Variants in LRIG1 observed in about 807,000 individuals in gnomAD.
The protein encoded by LRIG1 is leucine rich repeats and immunoglobulin like domains 1.
LRIG1 carries 48 observed loss-of-function variants against 99.2 expected under a neutral mutation model. That is an observed-to-expected ratio of 0.48 (90% CI 0.38 to 0.62). LRIG1 has a LOEUF of 0.62. Ranked by LOEUF, LRIG1 falls within the 20% of genes least tolerant of loss-of-function variation. LRIG1 has a pLI of 0.00. For synonymous variants in LRIG1, 772 were observed against 596.1 expected, an observed-to-expected ratio of 1.29 and a Z score of -4.30; for missense variants, 1,646 against 1,434.4, an observed-to-expected ratio of 1.15 and a Z score of -2.38.
At chr3:66,479,838 C>T (rs1335450826) in intron 1 of LRIG1, among the ~76,000 whole-genome samples, 1 of 152,224 alleles carries the variant, frequency 6.6e-6, no homozygotes, top group Non-Finnish European at 1.5e-5. Context: ...CCTTCATACC[C>T]TGCTGGTGGA....
At chr3:66,463,445 T>C (rs927895706) in intron 1 of LRIG1, among the ~76,000 whole-genome samples, 4 of 152,162 alleles carry the variant, frequency 2.6e-5, no homozygotes, top group Non-Finnish European at 5.9e-5. Flanking sequence ...GGTTCAGAAT[T>C]AAAACTCTCC....
chr3:66,382,895 T>C lies in LRIG1; in HGVS notation c.2491+87A>G, dbSNP rs1701164745. ...GAGTTCTGAACACAGTGCAATTCTTTCAAAAGCCACTGGAACCCGGCCCAG... is the reference window on the plus strand; with the variant it reads ...GAGTTCTGAACACAGTGCAATTCTTCCAAAAGCCACTGGAACCCGGCCCAG... On this transcript the variant is annotated intron_variant, in intron 15 of 18. Coordinates refer to ENST00000273261, the MANE Select transcript of LRIG1 (RefSeq NM_015541.3). 6.9e-6 allele frequency: 9 copies of C among 1,297,602 alleles called. No individual in the cohort carries two copies. The African/African-American group carries it at 1.0e-4, about 15-fold the overall frequency. The allele number at this position is 1,297,602 out of a possible 1,614,324, so 80.4% of individuals were successfully genotyped here.
At chr3:66,424,729 T>A (rs1350957748) in intron 3 of LRIG1, among the ~76,000 whole-genome samples, 1 of 152,242 alleles carries the variant, frequency 6.6e-6, no homozygotes, top group Non-Finnish European at 1.5e-5. Context: ...TGACTTACGA[T>A]GGTTCAGCTT....
At chr3:66,494,631 A>G (rs1352295710) in intron 1 of LRIG1, among the ~76,000 whole-genome samples, 1 of 152,260 alleles carries the variant, frequency 6.6e-6, no homozygotes, top group Non-Finnish European at 1.5e-5. Context: ...GTACTTAGGT[A>G]AAAACCATTG....
intron 3 of LRIG1, among the ~76,000 whole-genome samples, chr3:66,433,032 T>G (rs1703228557): frequency 6.6e-6 from 1 of 152,158 alleles, no homozygotes; most frequent in Admixed American, 6.5e-5. Context: ...TATTTATATT[T>G]AGGATGACTG....
Position 66,385,961 on chromosome 3 carries a change from CA to C in LRIG1, c.1789+19del, listed in dbSNP as rs756063960. ...GCTTTGTAGGATTCTGGTACTATAACAAAGATGGTGTTTCCATACCATTCAC... is the reference window on the plus strand; with the variant it reads ...GCTTTGTAGGATTCTGGTACTATAACAAGATGGTGTTTCCATACCATTCAC... On this transcript the variant is annotated intron_variant, in intron 13 of 18. Coordinates refer to ENST00000273261, the MANE Select transcript of LRIG1 (RefSeq NM_015541.3). 2.5e-6 allele frequency: 4 copies of C among 1,604,742 alleles called. No homozygotes were observed. Among genetic ancestry groups the C allele is most frequent in the Non-Finnish European group, 3.4e-6 (4 of 1,173,932 alleles).
chr3:66,481,405 T>C (rs1390802020), intron 1 of LRIG1, among the ~76,000 whole-genome samples: 1 of 152,148 alleles, frequency 6.6e-6, no homozygotes, highest in Non-Finnish European at 1.5e-5. Flanking sequence ...AAGCATTGTT[T>C]CACCTTCTAG....
intron 2 of LRIG1, among the ~76,000 whole-genome samples, chr3:66,454,119 G>A (rs1448363711): frequency 6.6e-6 from 1 of 152,148 alleles, no homozygotes; most frequent in Non-Finnish European, 1.5e-5. Context: ...TGACTTACAG[G>A]GAGGACACTC....
rs541188659 is a variant in LRIG1, at chr3:66,488,205, C to CA, written c.218+11984dup. On this transcript the variant is annotated intron_variant, in intron 1 of 18. Coordinates refer to ENST00000273261, the MANE Select transcript of LRIG1 (RefSeq NM_015541.3). ...TCCATGAAAAGTATTTTAAGGAGTC[C>CA]AATTACTGTCATAATTTTCAAGATT... Among the ~76,000 whole-genome samples, 10 of 152,080 alleles carry CA rather than the reference C, an allele frequency of 6.6e-5. No individual in the cohort carries two copies. In the East Asian group the frequency reaches 1.9e-3, roughly 29 times the overall value.
At chr3:66,494,550 G>C (rs868661188) in intron 1 of LRIG1, among the ~76,000 whole-genome samples, 1 of 152,140 alleles carries the variant, frequency 6.6e-6, no homozygotes, top group Non-Finnish European at 1.5e-5. Flanking sequence ...TGGAGAAACA[G>C]CTTAAAAAAC....
At chr3:66,496,561 T>C (rs945004009) in intron 1 of LRIG1, among the ~76,000 whole-genome samples, 5 of 152,326 alleles carry the variant, frequency 3.3e-5, no homozygotes, top group Non-Finnish European at 5.9e-5. Flanking sequence ...CTAAGAGCAC[T>C]TGCACCTTTC....
intron 9 of LRIG1, chr3:66,404,432 C>T (rs1007279861): frequency 1.3e-5 from 16 of 1,193,224 alleles, no homozygotes; most frequent in African/African-American, 3.2e-5. Flanking sequence ...CCTTCCTGCA[C>T]GGTCCTTGGG....
intron 3 of LRIG1, among the ~76,000 whole-genome samples, chr3:66,436,892 G>A (rs1299142806): frequency 6.6e-6 from 1 of 152,162 alleles, no homozygotes; most frequent in African/African-American, 2.4e-5. Flanking sequence ...GAAGATCTCT[G>A]CTTGTCCTTG....
At position 66,410,238 on chromosome 3, in the gene LRIG1, T is replaced by C. The variant is rs565668493; in HGVS notation, c.826A>G (p.Ser276Gly). Residue 276 changes from serine to glycine, a missense_variant, in exon 7 of 19, where the codon AGC becomes GGC. Coordinates refer to ENST00000273261, the MANE Select transcript of LRIG1 (RefSeq NM_015541.3). ...LEYNSLVEVNSGSLYGLTALH... is the reference protein window; with the variant it reads ...LEYNSLVEVNGGSLYGLTALH... ...GCCGTGAGGCCGTAGAGCGAGCCGC[T>C]GTTCACTTCTACCAGGCTGTTGTAC... The C allele has an allele frequency of 2.5e-6, 4 of 1,613,308 alleles. No individual in the cohort carries two copies. In the East Asian group the frequency reaches 8.9e-5, roughly 36 times the overall value.
At chr3:66,382,077 G>A (rs76711266) in intron 16 of LRIG1, among the ~76,000 whole-genome samples, 196 bp downstream of exon 16, 2,806 of 152,280 alleles carry the variant, frequency 0.018, 39 homozygotes, top group Non-Finnish European at 0.028. Context: ...CTTCCTGAGG[G>A]GACAGGACTT....
At chr3:66,408,957 T>TGGGGGG (rs1288551507) in intron 7 of LRIG1, among the ~76,000 whole-genome samples, 1 of 66,724 alleles carries the variant, frequency 1.5e-5, no homozygotes, top group African/African-American at 6.0e-5. Flanking sequence ...TGTGTGTGTG[T>TGGGGGG]GTGTGGTGGG....
chr3:66,442,520 A>G (rs1461532463), intron 3 of LRIG1, among the ~76,000 whole-genome samples: 1 of 151,856 alleles, frequency 6.6e-6, no homozygotes, highest in African/African-American at 2.4e-5. Flanking sequence ...GCTGGAGCCA[A>G]CCCCTTTCAC....
At position 66,383,118 on chromosome 3, in the gene LRIG1, G is replaced by T. The variant is rs765090222; in HGVS notation, c.2355C>A (p.Gly785=). 7.4e-6 allele frequency: 12 copies of T among 1,614,242 alleles called. No individual in the cohort carries two copies. The highest frequency in any genetic ancestry group is 1.3e-5 in the African/African-American group (1 of 75,070). ...HSQLSVLPAA[G]CRKDGTTVGI... ...CTACCGTGGTCCCATCCTTCCTGCA[G>T]CCTGCTGCGGGCAGGACGCTCAGCT... The change falls in exon 15 of 19, where the codon GGC becomes GGA. Residue 785 remains glycine (G), a synonymous_variant. Transcript: ENST00000273261.
intron 7 of LRIG1, among the ~76,000 whole-genome samples, chr3:66,408,014 C>G (rs555580539): frequency 6.6e-6 from 1 of 152,218 alleles, no homozygotes; most frequent in Non-Finnish European, 1.5e-5. Context: ...TCCCCCAGGG[C>G]AGGAGGCTCC....
Sources: gnomAD v4.1 joint callset for allele counts (sites outside exome capture counted in the v4.1 genomes callset) on GRCh38, gnomAD v4.1.1 for gene constraint, MANE v1.5 for transcripts, NCBI Gene and HGNC (gene_info 2026-07-23, HGNC 2026-07-21) for gene names.